Variants in ZNF69 observed in about 807,000 individuals in gnomAD.
ZNF69 encodes the protein ZNF3.
A neutral mutation model predicts 50.9 loss-of-function variants in ZNF69; 47 were observed. The observed-to-expected ratio is 0.92, with a 90% CI of 0.73 to 1.18. The LOEUF is 1.18. Among genes scored for constraint, ZNF69 ranks in the 50% most tolerant of loss-of-function variants. The pLI, the probability that ZNF69 is intolerant of heterozygous loss-of-function variation, is 0.00. For missense variants in ZNF69, 717 were observed against 675.1 expected, an observed-to-expected ratio of 1.06 and a Z score of -0.69; for synonymous variants, 216 against 223.1, an observed-to-expected ratio of 0.97 and a Z score of 0.29.
At chr19:11,964,897 T>G in the ZNF69 span, 1 of 375,818 alleles carries the variant, frequency 2.7e-6, no homozygotes, top group African/African-American at 2.1e-5. Flanking sequence ...ATCCGTCAAG[T>G]CAGTCTGGCT....
the ZNF69 span, among the ~76,000 whole-genome samples, chr19:11,958,972 T>C: frequency 4.3e-4 from 65 of 152,298 alleles, 1 homozygote; most frequent in African/African-American, 1.6e-3. Context: ...AACCTCTGCC[T>C]CCCAGGTTCA....
Position 11,897,700 on chromosome 19 carries a change from G to A in ZNF69, c.64-5873G>A, listed in dbSNP as rs1368829255. Among the ~76,000 whole-genome samples the A allele has an allele frequency of 5.3e-5, 8 of 151,380 alleles. No homozygotes were observed. In the East Asian group the frequency reaches 7.8e-4, roughly 15 times the overall value. Reference sequence around the variant, plus strand: ...ATCCTGGCTAACATGGTGAATCCCCGCCTCTACTAAAAATATAAAAAATTA... The same window carrying A: ...ATCCTGGCTAACATGGTGAATCCCCACCTCTACTAAAAATATAAAAAATTA... On this transcript the variant is annotated intron_variant, in intron 1 of 3. Transcript: ENST00000429654.
the ZNF69 span, chr19:11,977,522 A>C: frequency 2.1e-6 from 3 of 1,451,982 alleles, no homozygotes; most frequent in South Asian, 3.7e-5. Flanking sequence ...AACTAAGTCC[A>C]GTATCAAATT....
the ZNF69 span, chr19:11,948,670 C>T: frequency 1.2e-6 from 2 of 1,612,680 alleles, no homozygotes; most frequent in Non-Finnish European, 1.7e-6. Context: ...CATGGTAATG[C>T]ACAGTGGGGA....
chr19:11,979,847 C>A, the ZNF69 span: 25,660 of 1,521,204 alleles, frequency 0.017, 263 homozygotes, highest in South Asian at 0.024. Flanking sequence ...CCTTCGAATT[C>A]ATGAAAGGAC....
chr19:11,978,604 C>A, the ZNF69 span: 1 of 1,614,132 alleles, frequency 6.2e-7, no homozygotes, highest in Non-Finnish European at 8.5e-7. Flanking sequence ...GGAGAGAAAC[C>A]GTATGAATGT....
the ZNF69 span, among the ~76,000 whole-genome samples, chr19:11,960,411 C>G: frequency 6.6e-6 from 1 of 152,068 alleles, no homozygotes; most frequent in Non-Finnish European, 1.5e-5. Context: ...CAGCATTAAG[C>G]TCCTAGGCTT....
At chr19:11,947,241 G>A in the ZNF69 span, 1 of 1,614,048 alleles carries the variant, frequency 6.2e-7, no homozygotes, top group Non-Finnish European at 8.5e-7. Context: ...GACATTGCTG[G>A]ATATTTCCCA....
the ZNF69 span, among the ~76,000 whole-genome samples, chr19:11,941,840 C>T: frequency 6.6e-6 from 1 of 152,210 alleles, no homozygotes; most frequent in African/African-American, 2.4e-5. Flanking sequence ...TGAGGACTGC[C>T]AGCATGCTGT....
the ZNF69 span, among the ~76,000 whole-genome samples, chr19:11,942,733 C>T: frequency 6.6e-6 from 1 of 152,186 alleles, no homozygotes; most frequent in African/African-American, 2.4e-5. Context: ...CATACAATGT[C>T]TGGAATCTAT....
At chr19:11,946,830 A>G in the ZNF69 span, 10 of 195,482 alleles carry the variant, frequency 5.1e-5, no homozygotes, top group Non-Finnish European at 8.1e-5. Context: ...CACTCACACT[A>G]CAAGAGGGAA....
intron 1 of ZNF69, among the ~76,000 whole-genome samples, chr19:11,897,995 G>A (rs1244741560): frequency 6.6e-6 from 1 of 151,946 alleles, no homozygotes; most frequent in African/African-American, 2.4e-5. Flanking sequence ...AGTTATTTCT[G>A]TATAGAGTGT....
intron 3 of ZNF69, among the ~76,000 whole-genome samples, chr19:11,904,408 A>G (rs1972315973): frequency 1.3e-5 from 2 of 152,156 alleles, no homozygotes; most frequent in African/African-American, 4.8e-5. Context: ...AGTATTTAGT[A>G]TTTGTAAAAT....
In ZNF69 at chr19:11,905,478, G is replaced by T. The variant is rs747901817; in HGVS notation, c.1081G>T (p.Glu361Ter). 54 of 1,613,698 alleles carry T rather than the reference G, an allele frequency of 3.3e-5. No individual in the cohort carries two copies. Among genetic ancestry groups the T allele is most frequent in the Non-Finnish European group, 4.2e-6 (5 of 1,179,964 alleles). ...AATGCACTCTGGAGAAAGACCTTAT[G>T]AATGTAAGATATGTGGGAAAGGCTT... ...IRMHSGERPY[E>*]CKICGKGFCS... is the part of the protein sequence containing the mutation. The change falls in exon 4 of 4, where the codon GAA (glutamate) becomes TAA (stop). Residue 361 changes from glutamate (E) to a stop codon, truncating the protein, a stop_gained. Coordinates refer to ENST00000429654, the MANE Select transcript of ZNF69 (RefSeq NM_001364730.1). LOFTEE classifies it high-confidence loss of function.
At chr19:11,916,672 A>T (rs940223431), downstream of ZNF69, among the ~76,000 whole-genome samples, 1 of 152,222 alleles carries the variant, frequency 6.6e-6, no homozygotes, top group African/African-American at 2.4e-5. Flanking sequence ...ATGCTTTGGT[A>T]GATAGATATT....
intron 1 of ZNF69, among the ~76,000 whole-genome samples, chr19:11,893,685 T>G (rs1977151955): frequency 6.6e-6 from 1 of 152,138 alleles, no homozygotes; most frequent in Non-Finnish European, 1.5e-5. Flanking sequence ...TGCCCACAAC[T>G]GCCATGTCTC....
At chr19:11,938,268 G>T in the ZNF69 span, among the ~76,000 whole-genome samples, 44 of 151,980 alleles carry the variant, frequency 2.9e-4, 2 homozygotes, top group Non-Finnish European at 2.9e-5. Flanking sequence ...AAGTTCTAGG[G>T]TACATGTGCA....
chr19:11,893,179 G>T (rs1262099815), intron 1 of ZNF69, among the ~76,000 whole-genome samples: 1 of 152,126 alleles, frequency 6.6e-6, no homozygotes, highest in African/African-American at 2.4e-5. Flanking sequence ...GAGGTTAATT[G>T]GTGGATTCTG....
At chr19:11,923,298 T>C in the ZNF69 span, among the ~76,000 whole-genome samples, 1 of 152,204 alleles carries the variant, frequency 6.6e-6, no homozygotes, top group Non-Finnish European at 1.5e-5. Context: ...ATGACTTCTT[T>C]GTCATCAGAG....
Sources: allele counts gnomAD v4.1 joint callset (sites outside exome capture counted in the v4.1 genomes callset), GRCh38; gene constraint gnomAD v4.1.1; transcripts MANE v1.5; gene names NCBI Gene and HGNC (gene_info 2026-07-23, HGNC 2026-07-21).